WDFY3: variants seen among roughly 807,000 people sequenced by gnomAD.
The protein encoded by WDFY3 is WD repeat and FYVE domain-containing protein 3.
Under a neutral mutation model 409.6 loss-of-function variants are expected in WDFY3, and 66 were observed. The observed-to-expected ratio is 0.16, with a 90% CI of 0.13 to 0.20. The LOEUF (loss-of-function observed/expected upper bound fraction) is 0.20, where lower values mean the gene tolerates loss of function less well. WDFY3 is among the 10% of genes least tolerant of loss of function. WDFY3 has a pLI of 1.00. For synonymous variants in WDFY3, 1,521 were observed against 1,537.1 expected, an observed-to-expected ratio of 0.99 and a Z score of 0.25; for missense variants, 3,031 against 4,298.1, an observed-to-expected ratio of 0.71 and a Z score of 8.24.
chr4:84,677,791 C>T (rs536112466), intron 66 of WDFY3, among the ~76,000 whole-genome samples: 39 of 151,560 alleles, frequency 2.6e-4, no homozygotes, highest in African/African-American at 8.7e-4. Context: ...GGTAAAACCC[C>T]GTCTCTATAA....
intron 2 of WDFY3, among the ~76,000 whole-genome samples, chr4:84,927,039 C>T (rs1579159949): frequency 6.6e-6 from 1 of 152,112 alleles, no homozygotes; most frequent in Admixed American, 6.5e-5. Context: ...ATGACTTAAA[C>T]GTCCAAATCT....
At chr4:84,891,587 T>C (rs1008847653) in intron 3 of WDFY3, among the ~76,000 whole-genome samples, 3 of 152,078 alleles carry the variant, frequency 2.0e-5, no homozygotes, top group African/African-American at 7.2e-5. Context: ...AACACCATGA[T>C]AAATATAAGA....
At chr4:84,796,090 CTT>C (rs1413456821) in intron 19 of WDFY3, among the ~76,000 whole-genome samples, 1 of 151,748 alleles carries the variant, frequency 6.6e-6, no homozygotes, top group Non-Finnish European at 1.5e-5. Flanking sequence ...TGTTGGCAGA[CTT>C]TTTCTGGAAA....
chr4:84,832,778 C>T (rs193216304), intron 7 of WDFY3, among the ~76,000 whole-genome samples: 100 of 152,142 alleles, frequency 6.6e-4, no homozygotes, highest in African/African-American at 2.3e-3. Flanking sequence ...AATATTTTTG[C>T]ATACCGTGGC....
chr4:84,919,730 C>A (rs1344132267), intron 2 of WDFY3, among the ~76,000 whole-genome samples: 2 of 152,164 alleles, frequency 1.3e-5, no homozygotes, highest in Admixed American at 6.5e-5. Context: ...GCTTCCCCTT[C>A]CACCATGATT....
intron 61 of WDFY3, among the ~76,000 whole-genome samples, chr4:84,690,252 C>A (rs1729031765): frequency 6.6e-6 from 1 of 152,158 alleles, no homozygotes; most frequent in Non-Finnish European, 1.5e-5. Flanking sequence ...TACTTAAATA[C>A]ACTGAAATAT....
intron 24 of WDFY3, among the ~76,000 whole-genome samples, chr4:84,784,858 GTATATA>G (rs71670882): frequency 0.039 from 3,438 of 88,920 alleles, 160 homozygotes; most frequent in Admixed American, 0.14. Context: ...AAGTGTATAT[GTATATA>G]TATATATATA....
At chr4:84,944,148 T>C (rs1242031360) in intron 1 of WDFY3, among the ~76,000 whole-genome samples, 1 of 152,220 alleles carries the variant, frequency 6.6e-6, no homozygotes. Flanking sequence ...TCTAAATATC[T>C]TTTCGCTGAC....
intron 48 of WDFY3, 121 bp downstream of exon 48, chr4:84,718,301 A>T: frequency 1.0e-6 from 1 of 1,003,364 alleles, no homozygotes; most frequent in Admixed American, 2.8e-5. Context: ...TGATGAATGC[A>T]CACAAACCGA....
intron 44 of WDFY3, among the ~76,000 whole-genome samples, chr4:84,729,686 T>TA (rs5859949): frequency 3.3e-5 from 5 of 149,674 alleles, no homozygotes; most frequent in African/African-American, 9.8e-5. Context: ...CTTTAATGAG[T>TA]AAAAAAAAAA....
At chr4:84,829,677 C>T (rs191237800) in intron 8 of WDFY3, among the ~76,000 whole-genome samples, 64 of 151,782 alleles carry the variant, frequency 4.2e-4, no homozygotes, top group African/African-American at 1.3e-3. Context: ...TATGGTGGCA[C>T]GCGCCTGTAG....
At chr4:84,689,602 T>C (rs2148840681) in intron 61 of WDFY3, among the ~76,000 whole-genome samples, 1 of 152,304 alleles carries the variant, frequency 6.6e-6, no homozygotes, top group South Asian at 2.1e-4. Context: ...TATAGGTATT[T>C]ATGACACCAC....
intron 3 of WDFY3, among the ~76,000 whole-genome samples, chr4:84,881,908 T>C (rs1323293541): frequency 6.6e-6 from 1 of 152,088 alleles, no homozygotes; most frequent in Non-Finnish European, 1.5e-5. Context: ...TATTAAGATC[T>C]ATTATTAAGA....
chr4:84,942,728 T>G (rs1772300207), intron 1 of WDFY3, among the ~76,000 whole-genome samples: 1 of 152,254 alleles, frequency 6.6e-6, no homozygotes, highest in African/African-American at 2.4e-5. Context: ...AAATATCTGT[T>G]CAAATTATTT....
At chr4:84,955,202 C>CAA (rs1289054208) in intron 1 of WDFY3, among the ~76,000 whole-genome samples, 3 of 96,226 alleles carry the variant, frequency 3.1e-5, no homozygotes, top group Admixed American at 1.1e-4. Context: ...AACACTGTCT[C>CAA]AAAAAAAAAA....
At chr4:84,673,529 T>C (rs1255469721) in intron 67 of WDFY3, among the ~76,000 whole-genome samples, 1 of 152,214 alleles carries the variant, frequency 6.6e-6, no homozygotes, top group Non-Finnish European at 1.5e-5. Context: ...ATTGTGCTTT[T>C]AAACATTTTG....
intron 30 of WDFY3, among the ~76,000 whole-genome samples, chr4:84,771,599 G>A (rs1189845849): frequency 2.0e-5 from 3 of 152,178 alleles, no homozygotes; most frequent in African/African-American, 7.2e-5. Flanking sequence ...TAGAATGCTT[G>A]TTTAGACTAC....
intron 3 of WDFY3, among the ~76,000 whole-genome samples, chr4:84,879,925 G>A (rs967424769): frequency 6.6e-6 from 1 of 152,102 alleles, no homozygotes; most frequent in African/African-American, 2.4e-5. Flanking sequence ...ACATAACAAC[G>A]AGTTAACGTT....
chr4:84,740,169 T>C lies in WDFY3; in HGVS notation c.6464+18A>G, dbSNP rs752552336. 5.6e-6 allele frequency: 9 copies of C among 1,612,418 alleles called. No individual in the cohort carries two copies. The South Asian group carries it at 9.9e-5, about 18-fold the overall frequency. On this transcript the variant is annotated intron_variant, in intron 39 of 67. Coordinates refer to ENST00000295888, the MANE Select transcript of WDFY3 (RefSeq NM_014991.6). ...CAAAGCCAAATTTAACATGGCAAAC[T>C]GAACCTAAAGGATTTACCTTCCAAC...
Sources: allele counts gnomAD v4.1 joint callset (sites outside exome capture counted in the v4.1 genomes callset), GRCh38; gene constraint gnomAD v4.1.1; transcripts MANE v1.5; gene names NCBI Gene and HGNC (gene_info 2026-07-23, HGNC 2026-07-21).